The following COCH variants were observed in gnomAD, a reference collection of about 807,000 sequenced individuals.
COCH encodes coagulation factor C homolog, cochlin (Limulus polyphemus).
A neutral mutation model predicts 54.8 loss-of-function variants in COCH; 40 were observed. The ratio of observed to expected loss-of-function variants is 0.73; its 90% confidence interval spans 0.57 to 0.95. The LOEUF (loss-of-function observed/expected upper bound fraction) is 0.95. COCH is among the 40% of genes least tolerant of loss of function. COCH has a pLI of 0.00. For missense variants in COCH, 605 were observed against 675.0 expected, an observed-to-expected ratio of 0.90 and a Z score of 1.15; for synonymous variants, 256 against 237.9, an observed-to-expected ratio of 1.08 and a Z score of -0.70.
At chr14:30,874,855 A>G in intron 1 of COCH, 61 bp from the exon 2 acceptor site, 1 of 1,491,544 alleles carries the variant, frequency 6.7e-7, no homozygotes, top group South Asian at 1.1e-5. Flanking sequence ...CGGGGCTCTG[A>G]GGAGGTGACG....
At position 30,875,580 on chromosome 14, in the gene COCH, A is replaced by G. The variant is rs8020362; in HGVS notation, c.82+477A>G. 9 of 454,284 alleles carry G rather than the reference A, an allele frequency of 2.0e-5. No homozygotes were observed. In the East Asian group the frequency reaches 3.2e-4, roughly 16 times the overall value. The allele number at this position is 454,284 out of a possible 1,614,324, so 28.1% of individuals were successfully genotyped here. A position where few individuals can be genotyped will look rare whatever the true frequency, so the allele number is the denominator to read the frequency against. On this transcript the variant is annotated intron_variant, in intron 3 of 11. Transcript: ENST00000396618. ...TCCCACCTTGTTTGACTCGCTAGCTATGTTTCTAGGTGTAACCCCTATAAT... is the reference window on the plus strand; with the variant it reads ...TCCCACCTTGTTTGACTCGCTAGCTGTGTTTCTAGGTGTAACCCCTATAAT...
intron 3 of COCH, chr14:30,875,406 G>C: frequency 1.7e-6 from 1 of 596,870 alleles, no homozygotes; most frequent in South Asian, 2.0e-5. Flanking sequence ...CTGAGCGCCG[G>C]CAGCAGGAGG....
chr14:30,880,805 T>A, intron 8 of COCH, 71 bp downstream of exon 8: 1 of 1,116,010 alleles, frequency 9.0e-7, no homozygotes, highest in Non-Finnish European at 1.3e-6. Flanking sequence ...TAATTATATA[T>A]ACTTATGGGG....
intron 11 of COCH, among the ~76,000 whole-genome samples, chr14:30,887,540 G>A (rs940082887): frequency 1.3e-5 from 2 of 152,090 alleles, no homozygotes; most frequent in Non-Finnish European, 2.9e-5. Context: ...CCTCGTTCCT[G>A]AAGACATTAA....
intron 8 of COCH, among the ~76,000 whole-genome samples, chr14:30,882,286 C>T (rs1001676832): frequency 4.6e-5 from 7 of 151,668 alleles, no homozygotes; most frequent in South Asian, 2.1e-4. Flanking sequence ...TGCACTACTA[C>T]GCCTGGCTAA....
rs756844302 is a variant in COCH at position 30,878,784 on chromosome 14, A to G, written c.240-27A>G. 3 of 1,614,122 alleles carry G rather than the reference A, an allele frequency of 1.9e-6. No homozygotes were observed. In the East Asian group the frequency reaches 6.7e-5, roughly 36 times the overall value. ...GATGCCCTGAAAAAGTGTGGATAGC[A>G]TCTCAGCTGCTATTCTTGTGTTACA... On this transcript the variant is annotated intron_variant, in intron 4 of 11. Transcript: ENST00000396618.
chr14:30,885,050 C>T, intron 9 of COCH: 1 of 1,595,492 alleles, frequency 6.3e-7, no homozygotes, highest in Non-Finnish European at 8.5e-7. Flanking sequence ...AGGTACTAAT[C>T]AGTCACCAAA....
Position 30,877,290 on chromosome 14 carries a change from C to T in COCH, c.83-282C>T. ...CTTGAGCTCGGGAATTTGAGCCTAGCTTGGGCAACTTGGCGAGTCCCCATT... is the reference window on the plus strand; with the variant it reads ...CTTGAGCTCGGGAATTTGAGCCTAGTTTGGGCAACTTGGCGAGTCCCCATT... On this transcript the variant is annotated intron_variant, in intron 3 of 11. Transcript: ENST00000396618. This position sits in a 1 kb window ranked among gnomAD's most constrained non-coding sequence, Gnocchi z 8.6. The T allele has an allele frequency of 2.5e-6, 1 of 392,278 alleles. No individual in the cohort carries two copies. Among genetic ancestry groups the T allele is most frequent in the South Asian group, 2.3e-5 (1 of 43,366 alleles). The allele number at this position is 392,278 out of a possible 1,614,324, so 24.3% of individuals were successfully genotyped here.
downstream of COCH, chr14:30,895,275 C>A (rs541461152): frequency 2.0e-4 from 170 of 841,526 alleles, 5 homozygotes; most frequent in South Asian, 2.7e-3. Context: ...GTGATTTCCA[C>A]CAATTTGTGC....
chr14:30,893,097 G>A (rs978611534), downstream of COCH, among the ~76,000 whole-genome samples: 12 of 149,332 alleles, frequency 8.0e-5, no homozygotes, highest in African/African-American at 3.0e-4. Flanking sequence ...TGGTGCAAAA[G>A]TAATTGCCAT....
rs371990593 is a variant in COCH at position 30,889,606 on chromosome 14, T to C, written c.1478-10T>C. The C allele has an allele frequency of 4.7e-5, 76 of 1,612,894 alleles. No homozygotes were observed. The highest frequency in any genetic ancestry group is 6.0e-5 in the Non-Finnish European group (71 of 1,178,872). ...GATTTTCAATTCACTTTAAAATGTTTTCATTGTAGGAATCACTATCTTCTC... is the reference window on the plus strand; with the variant it reads ...GATTTTCAATTCACTTTAAAATGTTCTCATTGTAGGAATCACTATCTTCTC... On this transcript the variant is annotated splice_polypyrimidine_tract_variant and intron_variant, in intron 11 of 11. Coordinates refer to ENST00000396618, the MANE Select transcript of COCH (RefSeq NM_004086.3).
intron 11 of COCH, among the ~76,000 whole-genome samples, chr14:30,887,372 C>A (rs1352018177): frequency 6.7e-6 from 1 of 149,562 alleles, no homozygotes; most frequent in Non-Finnish European, 1.5e-5. Flanking sequence ...CCAGCCTGGG[C>A]GACAGAGTGA....
Position 30,879,090 on chromosome 14 carries a change from C to CTG in COCH, c.373+147_373+148dup. 2.4e-6 allele frequency: 3 copies of CTG among 1,237,688 alleles called. No homozygotes were observed. In the South Asian group the frequency reaches 3.9e-5, roughly 16 times the overall value. The allele number at this position is 1,237,688 out of a possible 1,614,324, so 76.7% of individuals were successfully genotyped here. On this transcript the variant is annotated intron_variant, in intron 5 of 11. Transcript: ENST00000396618. Reference sequence around the variant, plus strand: ...CTATAGAGGTAAACTGTAGGTTAGACTGAGGGGTCAAGTACCCACTGAAGC... The same window carrying CTG: ...CTATAGAGGTAAACTGTAGGTTAGACTGTGAGGGGTCAAGTACCCACTGAAGC...
Position 30,885,358 on chromosome 14 carries a change from G to T in COCH, c.734-36G>T, listed in dbSNP as rs758317285. Reference sequence around the variant, plus strand: ...AAACAGAAATGTGGTTTGAGCAGTGGTAAAGGCTATTTGTTTGCTTCTTTT... The same window carrying T: ...AAACAGAAATGTGGTTTGAGCAGTGTTAAAGGCTATTTGTTTGCTTCTTTT... On this transcript the variant is annotated intron_variant, in intron 9 of 11. Transcript: ENST00000396618. The T allele has an allele frequency of 6.6e-6, 10 of 1,521,616 alleles. No individual in the cohort carries two copies. The Admixed American group carries it at 1.0e-4, about 15-fold the overall frequency. 94.3% of individuals were successfully genotyped at this position (1,521,616 alleles called of 1,614,324 possible). A position where few individuals can be genotyped will look rare whatever the true frequency, so the allele number is the denominator to read the frequency against.
chr14:30,890,880 GA>G (rs201479726), downstream of COCH, among the ~76,000 whole-genome samples: 1 of 150,390 alleles, frequency 6.6e-6, no homozygotes. Flanking sequence ...CTACAAAAAA[GA>G]AAAAAAAATT....
chr14:30,880,936 G>A (rs954330609), intron 8 of COCH, among the ~76,000 whole-genome samples: 4 of 152,014 alleles, frequency 2.6e-5, no homozygotes, highest in East Asian at 1.9e-4. Context: ...AAATGAGGCC[G>A]GGTGCAGTGG....
Position 30,880,473 on chromosome 14 carries a change from C to G in COCH, c.458C>G (p.Pro153Arg). ...TCAGGTAAACGACTAAAGAAAACAC[C>G]CGAGAAGAAAACTGGCAATAAAGGT... ...PPTGKRLKKTPEKKTGNKDCK... is the reference protein window; with the variant it reads ...PPTGKRLKKTREKKTGNKDCK... The change falls in exon 7 of 12, where the codon CCC becomes CGC. Residue 153 changes from proline (P) to arginine (R), a missense_variant. Physicochemically the swap from Pro to Arg is moderately radical, Grantham distance 103. Transcript: ENST00000396618. The G allele has an allele frequency of 6.2e-7, 1 of 1,613,994 alleles. No homozygotes were observed. Among genetic ancestry groups the G allele is most frequent in the Non-Finnish European group, 8.5e-7 (1 of 1,179,998 alleles).
intron 8 of COCH, among the ~76,000 whole-genome samples, chr14:30,882,291 G>A (rs1566410624): frequency 6.6e-6 from 1 of 151,368 alleles, no homozygotes; most frequent in African/African-American, 2.4e-5. Context: ...TACTACGCCT[G>A]GCTAATTTTT....
chr14:30,891,644 A>C (rs1450674021), downstream of COCH, among the ~76,000 whole-genome samples: 3 of 152,234 alleles, frequency 2.0e-5, no homozygotes, highest in African/African-American at 4.8e-5. Flanking sequence ...TTCCCCAGTA[A>C]GTAGACCAAA....
Sources: allele counts gnomAD v4.1 joint callset (sites outside exome capture counted in the v4.1 genomes callset), GRCh38; gene constraint gnomAD v4.1.1; non-coding constraint Gnocchi (gnomAD v3.1); transcripts MANE v1.5; gene names NCBI Gene and HGNC (gene_info 2026-07-23, HGNC 2026-07-21).